The following ZNF274 variants were observed in gnomAD, a reference collection of about 807,000 sequenced individuals.
The protein encoded by ZNF274 is neurotrophin receptor-interacting factor homolog.
Under a neutral mutation model 42.5 loss-of-function variants are expected in ZNF274, and 23 were observed. The ratio of observed to expected loss-of-function variants is 0.54; its 90% confidence interval spans 0.39 to 0.77. ZNF274 has a LOEUF of 0.77. Among genes scored for constraint, ZNF274 ranks in the 30% least tolerant of loss-of-function variants. The pLI is 0.00. For missense variants in ZNF274, 679 were observed against 806.5 expected, an observed-to-expected ratio of 0.84 and a Z score of 1.91; for synonymous variants, 292 against 305.4, an observed-to-expected ratio of 0.96 and a Z score of 0.46.
Position 58,213,197 on chromosome 19 carries a change from C to A in ZNF274, c.*54C>A. The A allele has an allele frequency of 1.9e-6, 3 of 1,549,472 alleles. No homozygotes were observed. Among genetic ancestry groups the A allele is most frequent in the Non-Finnish European group, 1.7e-6 (2 of 1,150,496 alleles). ...TTTTCAGCTTGACCCTGCAATATAA[C>A]ATGCACAGGCCTGCTTGTGAATCAG... On this transcript the variant is annotated 3_prime_UTR_variant, in exon 8 of 8. Transcript: ENST00000617501.
At chr19:58,191,616 T>C in intron 4 of ZNF274, among the ~76,000 whole-genome samples, 1 of 152,152 alleles carries the variant, frequency 6.6e-6, no homozygotes, top group East Asian at 1.9e-4. Context: ...GCACTGTGGG[T>C]GCCACACATC....
chr19:58,189,226 A>C (rs1348870271), intron 4 of ZNF274, among the ~76,000 whole-genome samples: 2 of 152,062 alleles, frequency 1.3e-5, no homozygotes, highest in African/African-American at 4.8e-5. Context: ...CTCTATACAG[A>C]AGTTTTATAA....
intron 3 of ZNF274, 147 bp from the exon 4 acceptor site, chr19:58,186,800 G>T: frequency 1.5e-6 from 1 of 653,150 alleles, no homozygotes; most frequent in Admixed American, 2.7e-5. Context: ...GCCAACAACA[G>T]GGATGGATGG....
rs1252341588 is a variant in ZNF274, at chr19:58,183,982, C to T, written c.17C>T (p.Pro6Leu). 1 of 1,595,952 alleles carries T rather than the reference C, an allele frequency of 6.3e-7. No individual in the cohort carries two copies. The highest frequency in any genetic ancestry group is 1.1e-5 in the South Asian group (1 of 88,016). Residue 6 changes from proline to leucine, a missense_variant, in exon 2 of 8, where the codon CCG becomes CTG. Pro to Leu is a moderately conservative substitution (Grantham distance 98). This residue lies in a region of ZNF274 where 223 missense variants were observed against 216.4 expected (regional missense o/e 1.03). Coordinates refer to ENST00000617501, the MANE Select transcript of ZNF274 (RefSeq NM_133502.3). ...GAGGAAACTATGGCCTCCAGGCTTC[C>T]GACGGCCTGGTCCTGTGTGAGTAGA... MASRL[P>L]TAWSCEPVTF...
At chr19:58,184,132 G>A in intron 2 of ZNF274, 134 bp downstream of exon 2, 2 of 996,576 alleles carry the variant, frequency 2.0e-6, no homozygotes, top group East Asian at 2.6e-5. Flanking sequence ...GATTGGTTGG[G>A]CATGAGAGAT....
intron 4 of ZNF274, among the ~76,000 whole-genome samples, chr19:58,199,152 G>A (rs564708120): frequency 1.3e-5 from 2 of 152,212 alleles, no homozygotes; most frequent in East Asian, 3.9e-4. Flanking sequence ...GATCACCTGA[G>A]GTCAGGAGTT....
intron 2 of ZNF274, chr19:58,185,457 A>G (rs1016175228): frequency 3.5e-5 from 6 of 169,916 alleles, no homozygotes; most frequent in African/African-American, 1.4e-4. Flanking sequence ...AAATAAATAA[A>G]TAAATAAAAT....
intron 4 of ZNF274, among the ~76,000 whole-genome samples, chr19:58,200,906 CAG>C (rs998854151): frequency 7.2e-5 from 11 of 152,028 alleles, no homozygotes; most frequent in African/African-American, 2.7e-4. Flanking sequence ...GGGGAGGCCT[CAG>C]GGAGCTTTTT....
At chr19:58,185,177 G>A (rs1448027183) in intron 2 of ZNF274, among the ~76,000 whole-genome samples, 1 of 151,148 alleles carries the variant, frequency 6.6e-6, no homozygotes, top group African/African-American at 2.4e-5. Context: ...TGTAATCCCA[G>A]CACTTTGGGA....
At chr19:58,204,386 G>A (rs186053559) in intron 4 of ZNF274, among the ~76,000 whole-genome samples, 84 of 152,260 alleles carry the variant, frequency 5.5e-4, no homozygotes, top group Admixed American at 1.9e-3. Flanking sequence ...AGGCGTTGTA[G>A]GCGTCGACCC....
At chr19:58,199,809 TAA>T (rs2075888871) in intron 4 of ZNF274, among the ~76,000 whole-genome samples, 2 of 152,234 alleles carry the variant, frequency 1.3e-5, no homozygotes, top group Non-Finnish European at 2.9e-5. Flanking sequence ...TACCAAAGAA[TAA>T]ATTATTAAAG....
At chr19:58,189,140 T>A (rs558119251) in intron 4 of ZNF274, among the ~76,000 whole-genome samples, 1 of 152,282 alleles carries the variant, frequency 6.6e-6, no homozygotes, top group East Asian at 1.9e-4. Context: ...TTCTTGTTTG[T>A]GGGAATTCTC....
chr19:58,202,511 G>GT (rs1487753425), intron 4 of ZNF274: 3 of 152,236 alleles, frequency 2.0e-5, no homozygotes. Flanking sequence ...ACAGACAGTT[G>GT]TAGGTGAGGT....
rs768064152 is a variant in ZNF274 at position 58,186,933 on chromosome 19, T to G, written c.161-14T>G. 1 of 1,612,020 alleles carries G rather than the reference T, an allele frequency of 6.2e-7. No homozygotes were observed. Among genetic ancestry groups the G allele is most frequent in the Non-Finnish European group, 8.5e-7 (1 of 1,178,900 alleles). ...ACAGACCCCCACAAGCCCTGTCTCT[T>G]TTCCTTTGAGCAGAACATCAGCTTT... is the stretch of plus-strand genomic sequence containing the variant. On this transcript the variant is annotated splice_polypyrimidine_tract_variant and intron_variant, in intron 3 of 7. Transcript: ENST00000617501.
At chr19:58,194,684 T>C (rs2075819149) in intron 4 of ZNF274, among the ~76,000 whole-genome samples, 1 of 152,004 alleles carries the variant, frequency 6.6e-6, no homozygotes, top group South Asian at 2.1e-4. Context: ...CCTGGTCTGT[T>C]TTTTACTTTT....
At chr19:58,194,371 CTTT>C (rs766266627) in intron 4 of ZNF274, among the ~76,000 whole-genome samples, 13 of 64,174 alleles carry the variant, frequency 2.0e-4, no homozygotes, top group South Asian at 1.9e-3. Context: ...TGTTTTTTAC[CTTT>C]TTTTTTTTTT....
intron 4 of ZNF274, among the ~76,000 whole-genome samples, chr19:58,191,252 C>T (rs1461064421): frequency 2.6e-5 from 4 of 152,202 alleles, no homozygotes; most frequent in Admixed American, 1.3e-4. Flanking sequence ...ATTCTCCTGC[C>T]TCAGCCTCCA....
chr19:58,212,480 T>A lies in ZNF274; in HGVS notation c.1299T>A (p.Ala433=). 1 of 1,613,822 alleles carries A rather than the reference T, an allele frequency of 6.2e-7. No homozygotes were observed. Among genetic ancestry groups the A allele is most frequent in the Non-Finnish European group, 8.5e-7 (1 of 1,179,880 alleles). The part of the protein sequence containing the change: ...DNPESQANSG[A]LDTNQVLLHK... ...CTGAGTCCCAGGCAAACAGTGGCGC[T>A]CTTGACACAAACCAAGTTTTGCTCC... The change falls in exon 8 of 8, where the codon GCT becomes GCA. Residue 433 remains alanine, a synonymous_variant. Transcript: ENST00000617501. This position sits in a 1 kb window ranked among gnomAD's most constrained non-coding sequence, Gnocchi z 4.6.
intron 4 of ZNF274, among the ~76,000 whole-genome samples, chr19:58,203,167 C>G (rs969407004): frequency 2.0e-5 from 3 of 151,980 alleles, no homozygotes; most frequent in Admixed American, 6.6e-5. Context: ...GCCACTTAGC[C>G]CCCCCCCAGG....
Sources: allele counts gnomAD v4.1 joint callset (sites outside exome capture counted in the v4.1 genomes callset), GRCh38; gene constraint gnomAD v4.1.1; regional missense constraint gnomAD v4.1.1; non-coding constraint Gnocchi (gnomAD v3.1); transcripts MANE v1.5; gene names NCBI Gene and HGNC (gene_info 2026-07-23, HGNC 2026-07-21).